Variants in USH2A observed in about 807,000 individuals in gnomAD.
USH2A encodes usherin.
Under a neutral mutation model 538.9 loss-of-function variants are expected in USH2A, and 443 were observed. The ratio of observed to expected loss-of-function variants is 0.82; its 90% CI spans 0.76 to 0.89. The LOEUF (loss-of-function observed/expected upper bound fraction) is 0.89. USH2A is among the 40% of genes least tolerant of loss of function. The pLI is 0.00. For synonymous variants in USH2A, 2,413 were observed against 2,273.5 expected (o/e 1.06, Z -1.75); for missense variants, 6,633 against 6,324.8 (o/e 1.05, Z -1.65).
intron 21 of USH2A, among the ~76,000 whole-genome samples, chr1:216,118,707 A>T (rs1191800096): frequency 6.6e-6 from 1 of 152,224 alleles, no homozygotes; most frequent in East Asian, 1.9e-4. Flanking sequence ...CTTTCCCAAG[A>T]TCTAGGCTCT....
intron 27 of USH2A, among the ~76,000 whole-genome samples, chr1:216,077,769 A>G (rs925687154): frequency 6.7e-6 from 1 of 149,976 alleles, no homozygotes; most frequent in African/African-American, 2.4e-5. Flanking sequence ...GTAAATAGTA[A>G]TTTATATATA....
chr1:215,781,054 GT>G (rs1400182302), intron 54 of USH2A, among the ~76,000 whole-genome samples: 1 of 152,132 alleles, frequency 6.6e-6, no homozygotes, highest in Non-Finnish European at 1.5e-5. Context: ...TTGTTTGATT[GT>G]TTATTTCCAG....
rs574791240 is a variant in USH2A, at chr1:216,212,097, A to G, written c.3158-4666T>C. On this transcript the variant is annotated intron_variant, in intron 15 of 71. Coordinates refer to ENST00000307340, the MANE Select transcript of USH2A (RefSeq NM_206933.4). ...CAAAATGCTTTGGGGATGAATGAAA[A>G]TGAAAGAGAGATAGATGTTTCACTC... Among the ~76,000 whole-genome samples the G allele has an allele frequency of 3.7e-4, 57 of 152,320 alleles. 1 individual carries two copies. Among genetic ancestry groups the G allele is most frequent in the Admixed American group, 3.3e-4 (5 of 15,300 alleles).
intron 61 of USH2A, among the ~76,000 whole-genome samples, chr1:215,709,769 T>C (rs1659286224): frequency 6.6e-6 from 1 of 152,118 alleles, no homozygotes; most frequent in Non-Finnish European, 1.5e-5. Context: ...AAGAATGTAG[T>C]TGGAGACAAA....
intron 32 of USH2A, among the ~76,000 whole-genome samples, chr1:216,031,074 G>A (rs1006488624): frequency 4.0e-5 from 6 of 151,802 alleles, no homozygotes; most frequent in Admixed American, 2.6e-4. Flanking sequence ...ATCATTTACA[G>A]CTTTAGAGAT....
At chr1:215,701,706 T>A (rs1261869078) in intron 61 of USH2A, among the ~76,000 whole-genome samples, 1 of 152,254 alleles carries the variant, frequency 6.6e-6, no homozygotes, top group Non-Finnish European at 1.5e-5. Flanking sequence ...TGAGCCTATG[T>A]GTGTCTTTGC....
At chr1:215,966,840 A>C (rs916555188) in intron 36 of USH2A, among the ~76,000 whole-genome samples, 1 of 152,206 alleles carries the variant, frequency 6.6e-6, no homozygotes, top group South Asian at 2.1e-4. Flanking sequence ...TGAAGAATTA[A>C]GGGCAATTCC....
chr1:215,658,321 G>GGAGGC (rs1233009546), intron 64 of USH2A, among the ~76,000 whole-genome samples: 2 of 151,688 alleles, frequency 1.3e-5, no homozygotes, highest in Non-Finnish European at 2.9e-5. Context: ...CGACTCTCAT[G>GGAGGC]GAGGATATGT....
At chr1:216,004,369 A>T (rs1668342325) in intron 32 of USH2A, among the ~76,000 whole-genome samples, 2 of 152,322 alleles carry the variant, frequency 1.3e-5, no homozygotes, top group Non-Finnish European at 2.9e-5. Context: ...GGAGACAGAG[A>T]GTGACCAGTA....
At chr1:216,303,153 C>G (rs73098680) in intron 9 of USH2A, among the ~76,000 whole-genome samples, 1 of 151,946 alleles carries the variant, frequency 6.6e-6, no homozygotes, top group Admixed American at 6.6e-5. Flanking sequence ...GGACACACCA[C>G]GTTCCCTTAA....
At chr1:216,053,701 T>TTA (rs1407294544) in intron 30 of USH2A, among the ~76,000 whole-genome samples, 1 of 152,136 alleles carries the variant, frequency 6.6e-6, no homozygotes, top group Non-Finnish European at 1.5e-5. Flanking sequence ...GGTATCCGGA[T>TTA]TAAAATCATT....
intron 56 of USH2A, among the ~76,000 whole-genome samples, chr1:215,764,113 T>C (rs1438208792): frequency 6.6e-6 from 1 of 152,118 alleles, no homozygotes; most frequent in East Asian, 1.9e-4. Flanking sequence ...ATACATAGGA[T>C]TTAAATCCAT....
At chr1:215,891,489 G>T (rs1476366624) in intron 40 of USH2A, among the ~76,000 whole-genome samples, 2 of 152,098 alleles carry the variant, frequency 1.3e-5, no homozygotes, top group Non-Finnish European at 2.9e-5. Context: ...CAACTGCATG[G>T]TTGAAAGGGC....
intron 11 of USH2A, 99 bp from the exon 12 acceptor site, chr1:216,251,197 A>C (rs2036155087): frequency 1.7e-6 from 2 of 1,180,630 alleles, no homozygotes; most frequent in Non-Finnish European, 2.5e-6. Context: ...AAGAAAACTA[A>C]ATGTTCAACA....
intron 4 of USH2A, among the ~76,000 whole-genome samples, chr1:216,330,511 A>G (rs578146696): frequency 6.6e-6 from 1 of 152,038 alleles, no homozygotes; most frequent in East Asian, 2.0e-4. Flanking sequence ...CCTCTAAATC[A>G]GTATGCTTGG....
rs767630412 is a variant in USH2A, at chr1:215,634,458, C to G, written c.15297+1G>C. ...ATGGGGCCACACCTCTACAAACATA[C>G]CATATGGTTTTCCCCCGGTGGGTAA... On this transcript the variant is annotated splice_donor_variant, in intron 70 of 71. Transcript: ENST00000307340. LOFTEE classifies it high-confidence loss of function. 91 of 1,614,098 alleles carry G rather than the reference C, an allele frequency of 5.6e-5. No individual in the cohort carries two copies. Among genetic ancestry groups the G allele is most frequent in the Non-Finnish European group, 7.7e-5 (91 of 1,180,050 alleles).
At chr1:216,106,177 T>A (rs1039672456) in intron 21 of USH2A, among the ~76,000 whole-genome samples, 1 of 147,562 alleles carries the variant, frequency 6.8e-6, no homozygotes, top group Non-Finnish European at 1.5e-5. Flanking sequence ...TTTATATATA[T>A]AAATATATAA....
intron 3 of USH2A, among the ~76,000 whole-genome samples, chr1:216,391,247 G>A (rs1459376274): frequency 6.6e-6 from 1 of 152,202 alleles, no homozygotes; most frequent in African/African-American, 2.4e-5. Context: ...CCAATAGACA[G>A]TCTGACAACA....
chr1:216,110,842 A>G (rs1164105845), intron 21 of USH2A, among the ~76,000 whole-genome samples: 1 of 152,220 alleles, frequency 6.6e-6, no homozygotes, highest in East Asian at 1.9e-4. Flanking sequence ...ATAAATGTTC[A>G]TAGAAAGGAA....
Sources: allele counts gnomAD v4.1 joint callset (sites outside exome capture counted in the v4.1 genomes callset), GRCh38; gene constraint gnomAD v4.1.1; transcripts MANE v1.5; gene names NCBI Gene and HGNC (gene_info 2026-07-23, HGNC 2026-07-21).